NKAIN3: variants seen among roughly 807,000 people sequenced by gnomAD.
NKAIN3 encodes the protein sodium/potassium transporting ATPase interacting 3.
A neutral mutation model predicts 30.2 loss-of-function variants in NKAIN3; 25 were observed. That is an observed-to-expected ratio of 0.83 (90% CI 0.60 to 1.16). NKAIN3 has a LOEUF of 1.16. NKAIN3 is among the 50% of genes most tolerant of loss of function. NKAIN3 has a pLI of 0.00. For missense variants in NKAIN3, 225 were observed against 254.1 expected, an observed-to-expected ratio of 0.89 and a Z score of 0.78; for synonymous variants, 91 against 89.6, an observed-to-expected ratio of 1.02 and a Z score of -0.09.
intron 1 of NKAIN3, among the ~76,000 whole-genome samples, chr8:62,566,312 C>T (rs1478733245): frequency 3.3e-5 from 5 of 152,082 alleles, no homozygotes; most frequent in Non-Finnish European, 7.4e-5. Context: ...TTTACTATAG[C>T]ATATATAATA....
intron 4 of NKAIN3, among the ~76,000 whole-genome samples, chr8:62,838,946 A>G (rs1251301087): frequency 6.6e-6 from 1 of 152,128 alleles, no homozygotes; most frequent in Non-Finnish European, 1.5e-5. Flanking sequence ...CACCAGCGTC[A>G]TCTCCCATCT....
At chr8:62,303,434 C>T (rs1814122753) in intron 1 of NKAIN3, among the ~76,000 whole-genome samples, 1 of 150,510 alleles carries the variant, frequency 6.6e-6, no homozygotes, top group Non-Finnish European at 1.5e-5. Flanking sequence ...CTTCAGAGTA[C>T]CCAAATGAAG....
chr8:62,678,726 T>C (rs944717144), intron 3 of NKAIN3, among the ~76,000 whole-genome samples: 2 of 151,078 alleles, frequency 1.3e-5, no homozygotes, highest in African/African-American at 4.8e-5. Flanking sequence ...TATTATATAT[T>C]ATCATTGAAT....
chr8:62,352,230 C>T (rs1816202912), intron 1 of NKAIN3, among the ~76,000 whole-genome samples: 1 of 152,136 alleles, frequency 6.6e-6, no homozygotes, highest in Admixed American at 6.6e-5. Context: ...GACCTGACTC[C>T]TTCCCATTGC....
At chr8:62,426,396 A>G (rs1804809297) in intron 1 of NKAIN3, among the ~76,000 whole-genome samples, 2 of 151,998 alleles carry the variant, frequency 1.3e-5, no homozygotes, top group African/African-American at 4.8e-5. Flanking sequence ...TGAATATAGA[A>G]TAAGAATCTG....
At chr8:62,479,213 A>G (rs188937976) in intron 1 of NKAIN3, among the ~76,000 whole-genome samples, 93 of 152,324 alleles carry the variant, frequency 6.1e-4, no homozygotes, top group Admixed American at 2.4e-3. Context: ...AAATCTTTAT[A>G]GATCAATTGT....
intron 1 of NKAIN3, among the ~76,000 whole-genome samples, chr8:62,376,928 T>TCA (rs1182819039): frequency 6.6e-6 from 1 of 152,122 alleles, no homozygotes; most frequent in Non-Finnish European, 1.5e-5. Context: ...TATACTGACT[T>TCA]TATATATATT....
chr8:62,554,467 C>G (rs1280833674), intron 1 of NKAIN3, among the ~76,000 whole-genome samples: 1 of 152,086 alleles, frequency 6.6e-6, no homozygotes, highest in African/African-American at 2.4e-5. Context: ...GAAAATAAAT[C>G]AAATTGTCTG....
intron 3 of NKAIN3, among the ~76,000 whole-genome samples, chr8:62,615,347 C>G (rs919381911): frequency 1.3e-5 from 2 of 152,088 alleles, no homozygotes; most frequent in African/African-American, 4.8e-5. Context: ...TTCCTAGAAG[C>G]AAGACAAAGT....
rs566386373 is a variant in NKAIN3 at position 62,812,297 on chromosome 8, G to A, written c.471+65168G>A. Among the ~76,000 whole-genome samples the A allele has an allele frequency of 5.9e-5, 9 of 151,768 alleles. No individual in the cohort carries two copies. In the South Asian group the frequency reaches 1.9e-3, roughly 32 times the overall value. Reference sequence around the variant, plus strand: ...CTTTCCACTTTATTTTTTTGGAATTGTTTTACATATTTTAGGGGCTGTGCA... The same window carrying A: ...CTTTCCACTTTATTTTTTTGGAATTATTTTACATATTTTAGGGGCTGTGCA... On this transcript the variant is annotated intron_variant, in intron 4 of 6. Coordinates refer to ENST00000623646, the MANE Select transcript of NKAIN3 (RefSeq NM_001304533.3).
chr8:62,730,556 A>G (rs1368165005), intron 3 of NKAIN3, among the ~76,000 whole-genome samples: 1 of 152,114 alleles, frequency 6.6e-6, no homozygotes, highest in East Asian at 1.9e-4. Flanking sequence ...AGAAATCTGT[A>G]TTATGTACTT....
At chr8:62,497,132 G>A (rs1392826279) in intron 1 of NKAIN3, among the ~76,000 whole-genome samples, 1 of 151,980 alleles carries the variant, frequency 6.6e-6, no homozygotes, top group Admixed American at 6.6e-5. Context: ...CTGTTTTACA[G>A]CTAAAGATTT....
chr8:62,850,888 G>T (rs576292943), intron 4 of NKAIN3, among the ~76,000 whole-genome samples: 2 of 152,152 alleles, frequency 1.3e-5, no homozygotes, highest in African/African-American at 4.8e-5. Context: ...GTCAGGTAGC[G>T]TGATGCCTCC....
chr8:62,659,230 G>A (rs1051536162), intron 3 of NKAIN3, among the ~76,000 whole-genome samples: 2 of 152,120 alleles, frequency 1.3e-5, no homozygotes, highest in Non-Finnish European at 2.9e-5. Flanking sequence ...TCATTTACTC[G>A]AGTTTGTCTC....
intron 3 of NKAIN3, among the ~76,000 whole-genome samples, chr8:62,657,667 G>C (rs1413919294): frequency 6.6e-6 from 1 of 152,184 alleles, no homozygotes; most frequent in African/African-American, 2.4e-5. Flanking sequence ...CACGCATGCA[G>C]TGAGCTCTGA....
chr8:62,800,242 A>T (rs1409994217), intron 4 of NKAIN3, among the ~76,000 whole-genome samples: 1 of 152,210 alleles, frequency 6.6e-6, no homozygotes, highest in African/African-American at 2.4e-5. Flanking sequence ...ATAAAAAGTT[A>T]AATTGGCCAT....
chr8:62,742,539 A>C (rs1041619803), intron 3 of NKAIN3, among the ~76,000 whole-genome samples: 1 of 152,174 alleles, frequency 6.6e-6, no homozygotes. Context: ...ATATTCTGCT[A>C]CCCTGGACAT....
chr8:62,411,669 C>G (rs1305006737), intron 1 of NKAIN3, among the ~76,000 whole-genome samples: 1 of 152,134 alleles, frequency 6.6e-6, no homozygotes, highest in Non-Finnish European at 1.5e-5. Context: ...AAGATGATGT[C>G]AAGAGACTAC....
chr8:62,910,432 T>C (rs781112649), intron 4 of NKAIN3, among the ~76,000 whole-genome samples: 1 of 152,182 alleles, frequency 6.6e-6, no homozygotes, highest in Admixed American at 6.5e-5. Flanking sequence ...ACTTGAAGGA[T>C]AAAATGAAGA....
Sources: allele counts gnomAD v4.1 joint callset (sites outside exome capture counted in the v4.1 genomes callset), GRCh38; gene constraint gnomAD v4.1.1; transcripts MANE v1.5; gene names NCBI Gene and HGNC (gene_info 2026-07-23, HGNC 2026-07-21).